Variants in B3GALT1 observed in about 807,000 individuals in gnomAD.
The protein encoded by B3GALT1 is beta-1,3-galactosyltransferase 1.
In B3GALT1, 10 loss-of-function variants were observed where a neutral mutation model predicts 23.2. The observed-to-expected ratio is 0.43, with a 90% CI of 0.27 to 0.73. B3GALT1 has a LOEUF of 0.73. Ranked by LOEUF, B3GALT1 falls within the 30% of genes least tolerant of loss-of-function variation. The pLI, the probability that B3GALT1 is intolerant of heterozygous loss-of-function variation, is 0.21. For missense variants in B3GALT1, 299 were observed against 405.4 expected (o/e 0.74, Z 2.25); for synonymous variants, 156 against 141.5 (o/e 1.10, Z -0.73).
chr2:167,740,762 G>A (rs1687566248), intron 3 of B3GALT1, among the ~76,000 whole-genome samples: 1 of 152,124 alleles, frequency 6.6e-6, no homozygotes, highest in Admixed American at 6.6e-5. Flanking sequence ...CATGTACATT[G>A]TGTCATATTT....
intron 2 of B3GALT1, among the ~76,000 whole-genome samples, chr2:167,491,174 A>G (rs1235076510): frequency 1.3e-5 from 2 of 152,144 alleles, no homozygotes; most frequent in Non-Finnish European, 2.9e-5. Flanking sequence ...CTGTTGTGTT[A>G]GTAGTCATTC....
At chr2:167,731,684 T>C (rs1042058027) in intron 3 of B3GALT1, among the ~76,000 whole-genome samples, 5 of 152,106 alleles carry the variant, frequency 3.3e-5, no homozygotes, top group African/African-American at 4.8e-5. Flanking sequence ...AACCAGGTTT[T>C]ACTGCAGGCA....
At chr2:167,636,608 G>A (rs181216878) in intron 2 of B3GALT1, among the ~76,000 whole-genome samples, 1 of 152,166 alleles carries the variant, frequency 6.6e-6, no homozygotes, top group East Asian at 1.9e-4. Context: ...ATGATAGACT[G>A]GATAAAGAAA....
intron 2 of B3GALT1, among the ~76,000 whole-genome samples, chr2:167,606,635 G>A (rs530614112): frequency 3.8e-5 from 3 of 78,106 alleles, no homozygotes; most frequent in Non-Finnish European, 6.0e-5. Context: ...ATTGTTTGAC[G>A]TTTTGAAACT....
chr2:167,797,313 G>A (rs1415187407), intron 3 of B3GALT1, among the ~76,000 whole-genome samples: 1 of 152,094 alleles, frequency 6.6e-6, no homozygotes, highest in Admixed American at 6.6e-5. Context: ...GAACTCATTC[G>A]TTTTTATGGC....
intron 1 of B3GALT1, among the ~76,000 whole-genome samples, chr2:167,468,471 A>G (rs1699379482): frequency 1.3e-5 from 2 of 152,354 alleles, no homozygotes; most frequent in Admixed American, 6.5e-5. Context: ...AAGTAAATAC[A>G]GAAAAGAAAT....
chr2:167,778,530 T>G (rs944456894), intron 3 of B3GALT1, among the ~76,000 whole-genome samples: 2 of 152,208 alleles, frequency 1.3e-5, no homozygotes, highest in Non-Finnish European at 2.9e-5. Context: ...ATACCTACAA[T>G]TACAACTCCC....
At chr2:167,725,893 T>C (rs957375249) in intron 3 of B3GALT1, among the ~76,000 whole-genome samples, 10 of 152,212 alleles carry the variant, frequency 6.6e-5, no homozygotes, top group Non-Finnish European at 1.2e-4. Context: ...ACAGTTGACT[T>C]ATTTCTCTGT....
intron 1 of B3GALT1, among the ~76,000 whole-genome samples, chr2:167,446,099 A>T (rs140888364): frequency 0.018 from 2,765 of 152,252 alleles, 37 homozygotes; most frequent in Non-Finnish European, 0.027. Flanking sequence ...TCTGTAAAGG[A>T]TTCTATTTCT....
intron 1 of B3GALT1, among the ~76,000 whole-genome samples, chr2:167,464,886 T>G (rs1029692803): frequency 6.6e-6 from 1 of 152,206 alleles, no homozygotes; most frequent in African/African-American, 2.4e-5. Flanking sequence ...GTATTGGCAT[T>G]GTGGTCATTC....
chr2:167,475,103 G>A (rs1699470517), intron 1 of B3GALT1, among the ~76,000 whole-genome samples: 1 of 152,032 alleles, frequency 6.6e-6, no homozygotes, highest in Non-Finnish European at 1.5e-5. Context: ...ATTACCTATG[G>A]TCAGCTGCAG....
chr2:167,648,772 C>G (rs1448838), intron 3 of B3GALT1, among the ~76,000 whole-genome samples: 100,167 of 151,844 alleles, frequency 0.66, 34,279 homozygotes, highest in Non-Finnish European at 0.74. Context: ...ATCCGGTAGC[C>G]CCCATTTAAT....
intron 2 of B3GALT1, among the ~76,000 whole-genome samples, chr2:167,644,704 C>T (rs1147151): frequency 0.17 from 25,872 of 149,074 alleles, 2,709 homozygotes; most frequent in Middle Eastern, 0.25. Context: ...GGCTTGAACC[C>T]GGGAGGCGGA....
At chr2:167,764,379 T>G (rs1390020773) in intron 3 of B3GALT1, among the ~76,000 whole-genome samples, 1 of 152,208 alleles carries the variant, frequency 6.6e-6, no homozygotes, top group African/African-American at 2.4e-5. Flanking sequence ...GGATCTTAGG[T>G]GGCAATTTTC....
chr2:167,629,074 A>G (rs956875273), intron 2 of B3GALT1, among the ~76,000 whole-genome samples: 3 of 151,714 alleles, frequency 2.0e-5, no homozygotes, highest in African/African-American at 7.2e-5. Flanking sequence ...GTTATATTGT[A>G]TAGCCAACAG....
chr2:167,742,825 A>G (rs1321616545), intron 3 of B3GALT1, among the ~76,000 whole-genome samples: 1 of 152,138 alleles, frequency 6.6e-6, no homozygotes, highest in Non-Finnish European at 1.5e-5. Flanking sequence ...AAATAATTCT[A>G]ATACCATTGT....
chr2:167,326,538 G>GTTTTTTTTTTTTTTTTTTTTTTTT (rs1553512131), intron 1 of B3GALT1, among the ~76,000 whole-genome samples: 1 of 151,498 alleles, frequency 6.6e-6, no homozygotes, highest in East Asian at 2.0e-4. Flanking sequence ...TTTTTCTATG[G>GTTTTTTTTTTTTTTTTTTTTTTTT]TTTTGTCTGG....
At chr2:167,667,354 C>A (rs574114127) in intron 3 of B3GALT1, among the ~76,000 whole-genome samples, 1 of 152,224 alleles carries the variant, frequency 6.6e-6, no homozygotes, top group East Asian at 1.9e-4. Context: ...TTGAGGGTAA[C>A]CCGACCTTTC....
rs1466321021 is a variant in B3GALT1, at chr2:167,576,520, GTTTTTTTTTTTGT to G, written c.-409-70367_-409-70355del. 1.6e-3 allele frequency among the ~76,000 whole-genome samples: 196 copies of G among 122,426 alleles called. 1 individual carries two copies. Among genetic ancestry groups the G allele is most frequent in the African/African-American group, 5.3e-3 (174 of 32,892 alleles). 80.3% of individuals were successfully genotyped at this position (122,426 alleles called of 152,430 possible). ...AAAGTAACTCGTTTTTTGTTTTTCT[GTTTTTTTTTTTGT>G]TTTTTTTTTTTGTTTTTTTTTCAGT... On this transcript the variant is annotated intron_variant, in intron 2 of 4. Transcript: ENST00000392690.
Sources: gnomAD v4.1 joint callset for allele counts (sites outside exome capture counted in the v4.1 genomes callset) on GRCh38, gnomAD v4.1.1 for gene constraint, MANE v1.5 for transcripts, NCBI Gene and HGNC (gene_info 2026-07-23, HGNC 2026-07-21) for gene names.